The following CHD1L variants were observed in gnomAD, a reference collection of about 807,000 sequenced individuals.
CHD1L encodes the protein chromodomain helicase DNA binding protein 1 like.
CHD1L carries 118 observed loss-of-function variants against 115.9 expected under a neutral mutation model. The observed-to-expected ratio is 1.02, with a 90% CI of 0.88 to 1.19. CHD1L has a LOEUF of 1.19. Ranked by LOEUF, CHD1L falls within the 50% of genes most tolerant of loss-of-function variation. The probability of loss-of-function intolerance (pLI) is 0.00; values close to 1 mark genes in which losing one functional copy is unlikely to be tolerated. For missense variants in CHD1L, 1,179 were observed against 1,065.3 expected (o/e 1.11, Z -1.49); for synonymous variants, 411 against 387.1 (o/e 1.06, Z -0.72).
At chr1:147,271,177 G>A in intron 11 of CHD1L, 172 bp downstream of exon 11, 1 of 547,808 alleles carries the variant, frequency 1.8e-6, no homozygotes, top group Non-Finnish European at 3.2e-6. Context: ...TGAAGGCAAG[G>A]ATGGACAGCA....
intron 2 of CHD1L, among the ~76,000 whole-genome samples, chr1:147,253,294 T>C (rs1032176472): frequency 6.6e-6 from 1 of 152,222 alleles, no homozygotes; most frequent in Non-Finnish European, 1.5e-5. Context: ...TAATAAAAGA[T>C]AAACTTTCTC....
the CHD1L span, chr1:147,184,642 T>C: frequency 6.6e-7 from 1 of 1,526,188 alleles, no homozygotes; most frequent in Non-Finnish European, 8.8e-7. The surrounding 1 kb of genome is among the most constrained non-coding windows in gnomAD (Gnocchi z 4.4). Context: ...TGCATTATGG[T>C]TTTTGAGAGG....
chr1:147,248,255 T>C (rs1421392794), intron 1 of CHD1L, among the ~76,000 whole-genome samples: 1 of 151,922 alleles, frequency 6.6e-6, no homozygotes, highest in African/African-American at 2.4e-5. Flanking sequence ...TTGCCCAGGC[T>C]GGAGTGCAAT....
At chr1:147,227,916 GC>G in the CHD1L span, among the ~76,000 whole-genome samples, 271 of 151,736 alleles carry the variant, frequency 1.8e-3, no homozygotes, top group African/African-American at 5.4e-3. Context: ...TCTTTTGGAG[GC>G]CCCCTTTGTT....
rs1553946440 is a variant in CHD1L at position 147,264,419 on chromosome 1, G to C, written c.577-3G>C. ...TTTTATTTTATTTATTTATGTATTT[G>C]AGTTCTCAGTAGTCTTCAGTCTCCT... On this transcript the variant is annotated splice_polypyrimidine_tract_variant and splice_region_variant and intron_variant, in intron 6 of 22. Coordinates refer to ENST00000369258, the MANE Select transcript of CHD1L (RefSeq NM_004284.6). 1.3e-6 allele frequency: 2 copies of C among 1,591,826 alleles called. No homozygotes were observed. Among genetic ancestry groups the C allele is most frequent in the South Asian group, 1.1e-5 (1 of 87,624 alleles).
At chr1:147,257,815 G>C in intron 5 of CHD1L, among the ~76,000 whole-genome samples, 1 of 152,290 alleles carries the variant, frequency 6.6e-6, no homozygotes, top group Non-Finnish European at 1.5e-5. Flanking sequence ...TTTAAACCCA[G>C]CATTTGGTGC....
the CHD1L span, chr1:147,175,700 C>T: frequency 4.6e-5 from 7 of 152,042 alleles, no homozygotes; most frequent in Non-Finnish European, 1.0e-4. Flanking sequence ...TTATAAATTA[C>T]CTAGTCTCAG....
the CHD1L span, among the ~76,000 whole-genome samples, chr1:147,183,481 A>G: frequency 6.6e-6 from 1 of 152,230 alleles, no homozygotes; most frequent in Middle Eastern, 3.2e-3. Flanking sequence ...TACAAAATGT[A>G]TTCCTTCGAG....
chr1:147,225,227 G>T, the CHD1L span: 2 of 1,394,508 alleles, frequency 1.4e-6, no homozygotes, highest in South Asian at 3.0e-5. Context: ...CTGGCATGGG[G>T]GAGCCCTGCG....
In CHD1L at chr1:147,283,833, A is replaced by C. The variant is rs143825104; in HGVS notation, c.1706-518A>C. On this transcript the variant is annotated intron_variant, in intron 15 of 22. Coordinates refer to ENST00000369258, the MANE Select transcript of CHD1L (RefSeq NM_004284.6). Reference sequence around the variant, plus strand: ...GCCTAAGCCTCAGTTTTCCCTTTCAAAAGTAGGATTAGTTATACCAGGATT... The same window carrying C: ...GCCTAAGCCTCAGTTTTCCCTTTCACAAGTAGGATTAGTTATACCAGGATT... Among the ~76,000 whole-genome samples the C allele has an allele frequency of 3.3e-3, 510 of 152,310 alleles. 3 individuals carry two copies. The highest frequency in any genetic ancestry group is 0.012 in the African/African-American group (484 of 41,560).
the CHD1L span, chr1:147,186,397 T>C: frequency 1.1e-6 from 1 of 895,132 alleles, no homozygotes; most frequent in African/African-American, 1.8e-5. Flanking sequence ...TTATCTTAGA[T>C]ACATACAACT....
the CHD1L span, among the ~76,000 whole-genome samples, chr1:147,187,739 G>T: frequency 1.3e-5 from 2 of 152,168 alleles, no homozygotes; most frequent in South Asian, 4.1e-4. Flanking sequence ...GAGGGAGAAT[G>T]ATTTATTCCA....
At chr1:147,198,776 A>G in the CHD1L span, among the ~76,000 whole-genome samples, 2 of 148,776 alleles carry the variant, frequency 1.3e-5, no homozygotes, top group East Asian at 4.1e-4. Context: ...GCCTGAACCC[A>G]GAAGGTGGAA....
At chr1:147,198,865 A>G in the CHD1L span, among the ~76,000 whole-genome samples, 7 of 148,906 alleles carry the variant, frequency 4.7e-5, no homozygotes, top group Non-Finnish European at 7.4e-5. Context: ...AAAAAAAAAA[A>G]AAAAAAAAAA....
chr1:147,281,873 C>T (rs1390655521), intron 15 of CHD1L, among the ~76,000 whole-genome samples: 1 of 151,992 alleles, frequency 6.6e-6, no homozygotes, highest in African/African-American at 2.4e-5. Flanking sequence ...TTTCTTGAAG[C>T]ACATGTACAT....
the CHD1L span, among the ~76,000 whole-genome samples, chr1:147,205,387 A>G: frequency 6.6e-6 from 1 of 152,202 alleles, no homozygotes; most frequent in Non-Finnish European, 1.5e-5. Flanking sequence ...AACTGACATA[A>G]TGTGGTTCTT....
chr1:147,294,588 A>C, intron 22 of CHD1L, 71 bp downstream of exon 22: 1 of 1,264,162 alleles, frequency 7.9e-7, no homozygotes, highest in Non-Finnish European at 1.1e-6. Context: ...TTCTGGTGTC[A>C]GTTCTTAATC....
intron 14 of CHD1L, among the ~76,000 whole-genome samples, chr1:147,276,636 A>G (rs1036442691): frequency 4.6e-5 from 7 of 152,190 alleles, no homozygotes; most frequent in Non-Finnish European, 1.0e-4. Flanking sequence ...AGTGACTTAC[A>G]TTACTTCATA....
rs1218562759 is a variant in CHD1L, at chr1:147,242,712, C to A, written c.9C>A (p.Arg3=). The part of the protein sequence containing the change: ME[R]AGATSRGGQA... The stretch of plus-strand genomic sequence containing the variant: ...GGGCCTCTACCGGCCCGATGGAGCG[C>A]GCGGGCGCTACTAGCCGCGGGGGCC... Residue 3 remains arginine (R), a synonymous_variant, in exon 1 of 23, where the codon CGC becomes CGA. Transcript: ENST00000369258. The A allele has an allele frequency of 7.2e-6, 9 of 1,258,288 alleles. No homozygotes were observed. The highest frequency in any genetic ancestry group is 9.0e-6 in the Non-Finnish European group (9 of 997,950). 77.9% of individuals were successfully genotyped at this position (1,258,288 alleles called of 1,614,324 possible).
Sources: gnomAD v4.1 joint callset for allele counts (sites outside exome capture counted in the v4.1 genomes callset) on GRCh38, gnomAD v4.1.1 for gene constraint, Gnocchi (gnomAD v3.1) non-coding constraint, MANE v1.5 for transcripts, NCBI Gene and HGNC (gene_info 2026-07-23, HGNC 2026-07-21) for gene names.